Variants in PCBP3 observed in about 807,000 individuals in gnomAD.
The protein encoded by PCBP3 is poly(rC) binding protein 3.
Under a neutral mutation model 52.7 loss-of-function variants are expected in PCBP3, and 25 were observed. The observed-to-expected ratio is 0.47, with a 90% CI of 0.35 to 0.66. The LOEUF (loss-of-function observed/expected upper bound fraction) is 0.66. PCBP3 is among the 30% of genes least tolerant of loss of function. The pLI is 0.01. For missense variants in PCBP3, 391 were observed against 490.3 expected (o/e 0.80, Z 1.91); for synonymous variants, 162 against 183.0 (o/e 0.89, Z 0.93).
intron 2 of PCBP3, among the ~76,000 whole-genome samples, chr21:45,690,659 T>A (rs907153082): frequency 6.6e-6 from 1 of 152,026 alleles, no homozygotes; most frequent in Non-Finnish European, 1.5e-5. Flanking sequence ...CCAAAATATT[T>A]CTACAGATAC....
At chr21:45,902,400 T>C (rs1051793225) in intron 9 of PCBP3, among the ~76,000 whole-genome samples, 2 of 152,130 alleles carry the variant, frequency 1.3e-5, no homozygotes, top group Non-Finnish European at 2.9e-5. Context: ...TTTAAGCCAC[T>C]CTCTCATTTG....
At position 45,656,135 on chromosome 21, in the gene PCBP3, A is replaced by G. The variant is rs890521829; in HGVS notation, c.-279+12267A>G. ...AAATACCATTTGACCCAGCAATCCCATTACTGGGTATATACCCAAAGGATT... is the reference window on the plus strand; with the variant it reads ...AAATACCATTTGACCCAGCAATCCCGTTACTGGGTATATACCCAAAGGATT... On this transcript the variant is annotated intron_variant, in intron 1 of 17. Transcript: ENST00000681687. The surrounding 1 kb of genome is among the most constrained non-coding windows in gnomAD (Gnocchi z 4.3). Among the ~76,000 whole-genome samples, 4 of 152,226 alleles carry G rather than the reference A, an allele frequency of 2.6e-5. No individual in the cohort carries two copies. The highest frequency in any genetic ancestry group is 2.6e-4 in the Admixed American group (4 of 15,280).
intron 2 of PCBP3, among the ~76,000 whole-genome samples, chr21:45,694,053 C>G (rs1015843882): frequency 6.6e-6 from 1 of 151,570 alleles, no homozygotes; most frequent in Non-Finnish European, 1.5e-5. Context: ...TAGATAACTA[C>G]GAAAATGATA....
At chr21:45,902,971 G>A (rs1296797211) in intron 9 of PCBP3, among the ~76,000 whole-genome samples, 1 of 152,226 alleles carries the variant, frequency 6.6e-6, no homozygotes. Flanking sequence ...CCTTCCACGA[G>A]TACACAAATA....
Position 45,656,289 on chromosome 21 carries a change from T to C in PCBP3, c.-279+12421T>C, listed in dbSNP as rs1391106788. On this transcript the variant is annotated intron_variant, in intron 1 of 17. Transcript: ENST00000681687. The surrounding 1 kb of genome is among the most constrained non-coding windows in gnomAD (Gnocchi z 4.3). ...CTGGATAAAGAAAATGTGGCACATA[T>C]ACACCATGGAATACTATGCAGCCAT... Among the ~76,000 whole-genome samples, 1 of 152,168 alleles carries C rather than the reference T, an allele frequency of 6.6e-6. No homozygotes were observed. Among genetic ancestry groups the C allele is most frequent in the African/African-American group, 2.4e-5 (1 of 41,434 alleles).
intron 4 of PCBP3, among the ~76,000 whole-genome samples, chr21:45,787,484 G>A (rs554230990): frequency 8.6e-5 from 13 of 151,986 alleles, no homozygotes; most frequent in South Asian, 2.1e-4. Context: ...CAGACCAGCC[G>A]TAGCTCAAGT....
rs1420951205 is a variant in PCBP3, at chr21:45,829,997, A to G, written c.-125-19964A>G. 1.3e-5 allele frequency: 2 copies of G among 152,658 alleles called. No homozygotes were observed. The highest frequency in any genetic ancestry group is 2.9e-5 in the Non-Finnish European group (2 of 68,078). 9.5% of individuals were successfully genotyped at this position (152,658 alleles called of 1,614,324 possible). ...CCCTGCTGCGATCGCTGTGGTCTCC[A>G]CCTTAGTTTGGGGCCTGCCTGCTCA... On this transcript the variant is annotated intron_variant, in intron 4 of 17. Transcript: ENST00000681687. This position sits in a 1 kb window ranked among gnomAD's most constrained non-coding sequence, Gnocchi z 5.2.
At chr21:45,739,947 C>T (rs1045349580) in intron 3 of PCBP3, among the ~76,000 whole-genome samples, 4 of 152,346 alleles carry the variant, frequency 2.6e-5, no homozygotes, top group African/African-American at 7.2e-5. Flanking sequence ...AGACTAGTCT[C>T]GTCTAATTTC....
intron 2 of PCBP3, among the ~76,000 whole-genome samples, chr21:45,720,883 T>C (rs889546476): frequency 6.6e-6 from 1 of 152,246 alleles, no homozygotes; most frequent in Non-Finnish European, 1.5e-5. Context: ...CAACGTGAGC[T>C]CCTGCTTCAA....
At chr21:45,941,083 C>T (rs1225831853) in intron 17 of PCBP3, among the ~76,000 whole-genome samples, 1 of 152,242 alleles carries the variant, frequency 6.6e-6, no homozygotes, top group Non-Finnish European at 1.5e-5. Flanking sequence ...CACCCCCCGA[C>T]TTTACCCACT....
chr21:45,675,890 C>T (rs992943226), intron 2 of PCBP3, among the ~76,000 whole-genome samples: 1 of 152,296 alleles, frequency 6.6e-6, no homozygotes. Flanking sequence ...GTCACCCACT[C>T]GCATACAAAA....
intron 16 of PCBP3, among the ~76,000 whole-genome samples, chr21:45,939,653 T>C (rs1000563008): frequency 1.3e-5 from 2 of 152,362 alleles, no homozygotes; most frequent in Middle Eastern, 6.8e-3. Flanking sequence ...TGGGCCATGG[T>C]GGAGCCTCCC....
At chr21:45,876,690 G>A (rs1187987979) in intron 5 of PCBP3, among the ~76,000 whole-genome samples, 1 of 152,200 alleles carries the variant, frequency 6.6e-6, no homozygotes, top group Non-Finnish European at 1.5e-5. Flanking sequence ...TGTCATTTCC[G>A]CCGTCCTGGC....
chr21:45,710,938 G>C (rs535948503), intron 2 of PCBP3, among the ~76,000 whole-genome samples: 80 of 152,238 alleles, frequency 5.3e-4, no homozygotes, highest in African/African-American at 1.7e-3. Flanking sequence ...TGCCCATTGG[G>C]GGCACTTTCA....
At chr21:45,785,376 CGGG>C (rs2091046987) in intron 4 of PCBP3, among the ~76,000 whole-genome samples, 2 of 145,766 alleles carry the variant, frequency 1.4e-5, no homozygotes, top group African/African-American at 5.1e-5. Context: ...CCGCCCCATC[CGGG>C]AGGTGAGGGG....
At chr21:45,831,719 T>TAG (rs1467567565) in intron 4 of PCBP3, among the ~76,000 whole-genome samples, 56 of 151,812 alleles carry the variant, frequency 3.7e-4, no homozygotes, top group African/African-American at 1.3e-3. Context: ...GTTAGTTAGT[T>TAG]TGTTTATTTT....
intron 11 of PCBP3, 190 bp downstream of exon 11, chr21:45,911,220 A>G (rs1245783459): frequency 1.5e-6 from 1 of 685,832 alleles, no homozygotes. Context: ...TGGGGCTGCC[A>G]GCTCAGGGTC....
At chr21:45,671,527 T>C (rs149273947) in intron 2 of PCBP3, among the ~76,000 whole-genome samples, 1 of 152,274 alleles carries the variant, frequency 6.6e-6, no homozygotes, top group East Asian at 1.9e-4. Flanking sequence ...CAACATCCCA[T>C]GGGCAAGTAT....
At chr21:45,891,933 T>A (rs890661619) in intron 5 of PCBP3, among the ~76,000 whole-genome samples, 6 of 152,180 alleles carry the variant, frequency 3.9e-5, no homozygotes, top group Non-Finnish European at 5.9e-5. Context: ...GAGCAGCCCC[T>A]GAGTCAGGAC....
Sources: gnomAD v4.1 joint callset for allele counts (sites outside exome capture counted in the v4.1 genomes callset) on GRCh38, gnomAD v4.1.1 for gene constraint, Gnocchi (gnomAD v3.1) non-coding constraint, MANE v1.5 for transcripts, NCBI Gene and HGNC (gene_info 2026-07-23, HGNC 2026-07-21) for gene names.